The following KCNMA1 variants were observed in gnomAD, a reference collection of about 807,000 sequenced individuals.
The protein encoded by KCNMA1 is Calcium-activated potassium channel subunit alpha-1.
A neutral mutation model predicts 140.0 loss-of-function variants in KCNMA1; 29 were observed. The ratio of observed to expected loss-of-function variants is 0.21; its 90% CI spans 0.15 to 0.28. The LOEUF (loss-of-function observed/expected upper bound fraction) is 0.28, where lower values mean the gene tolerates loss of function less well. Among genes scored for constraint, KCNMA1 ranks in the 10% least tolerant of loss-of-function variants. The pLI, the probability that KCNMA1 is intolerant of heterozygous loss-of-function variation, is 1.00. For synonymous variants in KCNMA1, 612 were observed against 611.9 expected (o/e 1.00, Z 0.00); for missense variants, 880 against 1,602.2 (o/e 0.55, Z 7.70).
At chr10:76,953,687 A>T (rs2067129008) in intron 21 of KCNMA1, 114 bp downstream of exon 21, 12 of 1,299,412 alleles carry the variant, frequency 9.2e-6, no homozygotes, top group Non-Finnish European at 1.2e-5. Context: ...CTCATCAAAA[A>T]TAATTAGGAC....
intron 23 of KCNMA1, among the ~76,000 whole-genome samples, chr10:76,928,765 C>T (rs1002775095): frequency 1.3e-5 from 2 of 152,094 alleles, no homozygotes; most frequent in Admixed American, 6.6e-5. Context: ...AGCCGATCAA[C>T]GCGCCATCCC....
At chr10:77,268,174 GAGA>G (rs1484191195) in intron 2 of KCNMA1, among the ~76,000 whole-genome samples, 4 of 152,288 alleles carry the variant, frequency 2.6e-5, no homozygotes, top group African/African-American at 9.6e-5. Context: ...AAACATCCAG[GAGA>G]AGATGGGGAA....
At chr10:77,002,498 C>T (rs867356712) in intron 18 of KCNMA1, among the ~76,000 whole-genome samples, 6 of 152,120 alleles carry the variant, frequency 3.9e-5, no homozygotes, top group Non-Finnish European at 5.9e-5. Flanking sequence ...AGAAAATATT[C>T]GCCAAAATCG....
intron 6 of KCNMA1, among the ~76,000 whole-genome samples, chr10:77,113,021 C>T (rs191121441): frequency 4.4e-4 from 67 of 152,266 alleles, no homozygotes; most frequent in African/African-American, 1.4e-3. Context: ...ATTTAATATG[C>T]AGACCTTATT....
chr10:77,090,606 G>C (rs969449074), intron 9 of KCNMA1, 96 bp from the exon 10 acceptor site: 1 of 819,632 alleles, frequency 1.2e-6, no homozygotes, highest in East Asian at 2.5e-5. Flanking sequence ...CAGCTGCAGG[G>C]GAAGCATTCA....
chr10:77,556,024 A>G (rs1302801735), intron 1 of KCNMA1, among the ~76,000 whole-genome samples: 8 of 152,254 alleles, frequency 5.3e-5, no homozygotes, highest in African/African-American at 1.9e-4. Context: ...AGAGGATGGC[A>G]TAAGAATCGA....
At chr10:77,125,841 G>T (rs181752470) in intron 5 of KCNMA1, among the ~76,000 whole-genome samples, 1 of 152,210 alleles carries the variant, frequency 6.6e-6, no homozygotes, top group Admixed American at 6.5e-5. Flanking sequence ...GGAGTTAAAG[G>T]TTAGATAATC....
chr10:77,448,457 T>C (rs1253721017), intron 1 of KCNMA1, among the ~76,000 whole-genome samples: 1 of 152,168 alleles, frequency 6.6e-6, no homozygotes, highest in African/African-American at 2.4e-5. Flanking sequence ...CTGCACACAT[T>C]CACTTTTTCC....
Position 77,403,934 on chromosome 10 carries a change from G to T in KCNMA1, c.468C>A (p.Val156=). 6.2e-7 allele frequency: 1 copy of T among 1,614,120 alleles called. No homozygotes were observed. Among genetic ancestry groups the T allele is most frequent in the Non-Finnish European group, 8.5e-7 (1 of 1,180,028 alleles). The change falls in exon 2 of 28, where the codon GTC becomes GTA. Residue 156 remains valine, a synonymous_variant. Transcript: ENST00000286628. ...AGTCCTTCACGGAGGTCATCCAGCC[G>T]ACCTCGGCGGCCACTGCCTCCTCTT... ...DEKEEAVAAE[V]GWMTSVKDWA... is the part of the protein sequence containing the mutation.
In KCNMA1 at chr10:77,014,224, G is replaced by A. The variant is rs187345401; in HGVS notation, c.2016-2181C>T. On this transcript the variant is annotated intron_variant, in intron 17 of 27. Transcript: ENST00000286628. ...GGATAGATCACGAGGCCAGGAGTTT[G>A]AGACCAGCCTGGCCAACATGGTGAA... is the stretch of plus-strand genomic sequence containing the variant. 6.6e-5 allele frequency among the ~76,000 whole-genome samples: 10 copies of A among 152,228 alleles called. No individual in the cohort carries two copies. The East Asian group carries it at 1.7e-3, about 27-fold the overall frequency.
intron 1 of KCNMA1, among the ~76,000 whole-genome samples, chr10:77,430,288 C>T (rs2097125471): frequency 6.6e-6 from 1 of 152,132 alleles, no homozygotes; most frequent in African/African-American, 2.4e-5. Context: ...CTTCTTCTTC[C>T]TCTACTCTAT....
chr10:76,991,972 C>T (rs2082896986), intron 19 of KCNMA1, among the ~76,000 whole-genome samples: 1 of 152,200 alleles, frequency 6.6e-6, no homozygotes, highest in African/African-American at 2.4e-5. Context: ...GTCTTTCTCA[C>T]TTCATTTATA....
At chr10:77,573,507 C>A (rs545095821) in intron 1 of KCNMA1, among the ~76,000 whole-genome samples, 1 of 152,132 alleles carries the variant, frequency 6.6e-6, no homozygotes, top group Non-Finnish European at 1.5e-5. Context: ...TCCTCTACAG[C>A]AGGAGAGCTG....
chr10:77,507,333 C>T (rs2046519811), intron 1 of KCNMA1, among the ~76,000 whole-genome samples: 1 of 152,080 alleles, frequency 6.6e-6, no homozygotes, highest in Admixed American at 6.6e-5. Context: ...TGGAGAAGAG[C>T]AACGTGGAGA....
chr10:77,482,880 A>C (rs1292230560), intron 1 of KCNMA1, among the ~76,000 whole-genome samples: 1 of 150,446 alleles, frequency 6.6e-6, no homozygotes, highest in Non-Finnish European at 1.5e-5. Context: ...ACCCACCCCG[A>C]TGCCCCCAAG....
Position 77,523,884 on chromosome 10 carries a change from C to T in KCNMA1, c.378+113381G>A, listed in dbSNP as rs148965008. Among the ~76,000 whole-genome samples the T allele has an allele frequency of 7.8e-4, 118 of 152,174 alleles. 1 individual carries two copies. Among genetic ancestry groups the T allele is most frequent in the African/African-American group, 2.7e-3 (114 of 41,518 alleles). On this transcript the variant is annotated intron_variant, in intron 1 of 27. Transcript: ENST00000286628. ...ATGAATAACACCTACTATCTGATAA[C>T]ATAATAGGGTGACTATAGTCAATAA...
At chr10:76,939,110 CTTTTTTTTTTTTTTTTT>C (rs71028244) in intron 23 of KCNMA1, 3 of 66,742 alleles carry the variant, frequency 4.5e-5, no homozygotes, top group African/African-American at 1.2e-4. Flanking sequence ...GCCACCTCTT[CTTTTTTTTTTTTTTTTT>C]TTTTTTTTTT....
intron 1 of KCNMA1, among the ~76,000 whole-genome samples, chr10:77,632,341 G>T (rs1320585431): frequency 1.1e-4 from 16 of 152,292 alleles, no homozygotes; most frequent in African/African-American, 3.9e-4. Flanking sequence ...TCACTTGGGA[G>T]ACAGGTCTAT....
intron 1 of KCNMA1, among the ~76,000 whole-genome samples, chr10:77,459,497 G>A (rs761192424): frequency 6.6e-6 from 1 of 152,224 alleles, no homozygotes; most frequent in Non-Finnish European, 1.5e-5. Flanking sequence ...TGTGAGCAGT[G>A]CCTGGCTAAC....
Sources: gnomAD v4.1 joint callset for allele counts (sites outside exome capture counted in the v4.1 genomes callset) on GRCh38, gnomAD v4.1.1 for gene constraint, MANE v1.5 for transcripts, NCBI Gene and HGNC (gene_info 2026-07-23, HGNC 2026-07-21) for gene names.